ERI1: variants seen among roughly 807,000 people sequenced by gnomAD.
The protein encoded by ERI1 is 3'-5' exoribonuclease 1.
In ERI1, 39 loss-of-function variants were observed where a neutral mutation model predicts 39.7. The ratio of observed to expected loss-of-function variants is 0.98; its 90% CI spans 0.76 to 1.28. The LOEUF (loss-of-function observed/expected upper bound fraction) is 1.28. ERI1 is among the 50% of genes most tolerant of loss of function. The pLI, the probability that ERI1 is intolerant of heterozygous loss-of-function variation, is 0.00. For synonymous variants in ERI1, 204 were observed against 149.6 expected (o/e 1.36, Z -2.65); for missense variants, 581 against 416.9 (o/e 1.39, Z -3.43).
chr8:9,074,933 C>T (rs1352535062), intron 3 of ERI1, among the ~76,000 whole-genome samples: 1 of 152,124 alleles, frequency 6.6e-6, no homozygotes, highest in Admixed American at 6.6e-5. Context: ...AGCAAGCCTG[C>T]CCCCACCAGC....
At chr8:9,045,473 C>T (rs982646136) in intron 3 of ERI1, among the ~76,000 whole-genome samples, 5 of 151,686 alleles carry the variant, frequency 3.3e-5, no homozygotes, top group African/African-American at 1.2e-4. Context: ...TTCATGGATA[C>T]CAAAAACTGT....
chr8:9,071,814 C>G (rs537682302), intron 3 of ERI1, among the ~76,000 whole-genome samples: 1 of 152,286 alleles, frequency 6.6e-6, no homozygotes, highest in African/African-American at 2.4e-5. Context: ...GCCTGTAATC[C>G]CAGCATTTTG....
At chr8:9,066,902 A>G (rs1798897046) in intron 3 of ERI1, among the ~76,000 whole-genome samples, 1 of 152,022 alleles carries the variant, frequency 6.6e-6, no homozygotes, top group African/African-American at 2.4e-5. Context: ...CAGTGGAGTG[A>G]GGGGTGGAGG....
At chr8:9,067,398 G>C (rs1355935219) in intron 3 of ERI1, among the ~76,000 whole-genome samples, 2 of 149,054 alleles carry the variant, frequency 1.3e-5, no homozygotes, top group African/African-American at 5.1e-5. Context: ...GTGTGTGTGT[G>C]TGTGTGTGTG....
intron 3 of ERI1, among the ~76,000 whole-genome samples, chr8:9,038,807 A>G (rs1195544622): frequency 1.3e-5 from 2 of 152,210 alleles, no homozygotes; most frequent in Non-Finnish European, 2.9e-5. Flanking sequence ...AAATTTTTGG[A>G]AATACTTTAA....
At chr8:9,085,247 C>T in intron 3 of ERI1, among the ~76,000 whole-genome samples, 1 of 152,126 alleles carries the variant, frequency 6.6e-6, no homozygotes, top group East Asian at 1.9e-4. Context: ...CTTGCTCTGT[C>T]ACCCAGGCTG....
chr8:9,011,483 G>A (rs1816661370), intron 2 of ERI1, 59 bp from the exon 3 acceptor site: 6 of 1,205,526 alleles, frequency 5.0e-6, no homozygotes, highest in Non-Finnish European at 6.9e-6. Flanking sequence ...GCAGGTGAGA[G>A]TTTTGATTCT....
rs149964822 is a variant in ERI1, at chr8:9,044,354, C to T, written n.299+23890C>T. Among the ~76,000 whole-genome samples the T allele has an allele frequency of 6.7e-3, 1,024 of 152,116 alleles. 10 individuals are homozygous for T. The highest frequency in any genetic ancestry group is 0.022 in the African/African-American group (912 of 41,498). ...ATGGTGCTGAGATTGTTGAAAGAAG[C>T]GAGGTGACTTTGGTGTGGGAATCAG... On this transcript the variant is annotated intron_variant and non_coding_transcript_variant, in intron 3 of 3. Coordinates refer to the ERI1 transcript ENST00000518663.
chr8:9,028,945 C>G (rs545370573), intron 6 of ERI1, among the ~76,000 whole-genome samples: 1 of 148,826 alleles, frequency 6.7e-6, no homozygotes, highest in Non-Finnish European at 1.5e-5. Flanking sequence ...AAAGTGGAGG[C>G]ACATATTGGA....
intron 3 of ERI1, among the ~76,000 whole-genome samples, chr8:9,067,851 T>TC (rs11430383): frequency 6.6e-6 from 1 of 151,672 alleles, no homozygotes; most frequent in Non-Finnish European, 1.5e-5. Flanking sequence ...CAGGTTTTTT[T>TC]ACCTCCTTTT....
rs555283050 is a variant in ERI1, at chr8:9,060,484, A to T, written n.299+40020A>T. On this transcript the variant is annotated intron_variant and non_coding_transcript_variant, in intron 3 of 3. Coordinates refer to the ERI1 transcript ENST00000518663. ...AATCCCTGAGGGGCAGTAGAATAGC[A>T]GATGGAACACTGAGAAGTGATCTCC... Among the ~76,000 whole-genome samples the T allele has an allele frequency of 3.3e-5, 5 of 152,342 alleles. No homozygotes were observed. In the South Asian group the frequency reaches 1.0e-3, roughly 32 times the overall value.
In ERI1 at chr8:9,004,485, C is replaced by CTTTTTTTTTTTTTT. The variant is rs71201904; in HGVS notation, c.108+1327_108+1340dup. On this transcript the variant is annotated intron_variant, in intron 1 of 6. Transcript: ENST00000250263. Reference sequence around the variant, plus strand: ...CTGTTGCATGCTCTTTATAGTGATACTTTTTTTTTTTTTTTTTTTTTTTTT... The same window carrying CTTTTTTTTTTTTTT: ...CTGTTGCATGCTCTTTATAGTGATACTTTTTTTTTTTTTTTTTTTTTTTTTTTTTTTTTTTTTTT... Among the ~76,000 whole-genome samples the CTTTTTTTTTTTTTT allele has an allele frequency of 9.7e-4, 76 of 78,304 alleles. 2 individuals are homozygous for CTTTTTTTTTTTTTT. Among genetic ancestry groups the CTTTTTTTTTTTTTT allele is most frequent in the African/African-American group, 3.5e-3 (70 of 20,060 alleles). 51.4% of individuals were successfully genotyped at this position (78,304 alleles called of 152,430 possible).
intron 3 of ERI1, among the ~76,000 whole-genome samples, chr8:9,046,363 A>T (rs996723620): frequency 1.3e-5 from 2 of 152,230 alleles, no homozygotes; most frequent in Non-Finnish European, 2.9e-5. Context: ...CACATATGCG[A>T]GACTGCCTAG....
At chr8:9,046,657 C>G (rs1011948065) in intron 3 of ERI1, among the ~76,000 whole-genome samples, 2 of 152,230 alleles carry the variant, frequency 1.3e-5, no homozygotes, top group African/African-American at 2.4e-5. Context: ...TGGAAATGAG[C>G]TCTTGCTCAG....
downstream of ERI1, among the ~76,000 whole-genome samples, chr8:9,034,256 A>G (rs1363328379): frequency 1.3e-5 from 2 of 152,224 alleles, no homozygotes; most frequent in Admixed American, 6.5e-5. Flanking sequence ...ATTTCATTAG[A>G]TTTGTTTTAG....
chr8:9,037,265 C>T (rs1797882278), downstream of ERI1, among the ~76,000 whole-genome samples: 1 of 152,152 alleles, frequency 6.6e-6, no homozygotes, highest in African/African-American at 2.4e-5. Context: ...CTCCCCTCAC[C>T]ATCACACTCG....
chr8:9,085,454 T>A (rs973049005), intron 3 of ERI1, among the ~76,000 whole-genome samples: 2 of 152,030 alleles, frequency 1.3e-5, no homozygotes, highest in African/African-American at 4.8e-5. Flanking sequence ...AGTAATCACC[T>A]GCCTCAGCCT....
At position 9,062,906 on chromosome 8, in the gene ERI1, C is replaced by T. The variant is rs550522582; in HGVS notation, n.299+42442C>T. 8.5e-5 allele frequency: 13 copies of T among 152,158 alleles called. No individual in the cohort carries two copies. The South Asian group carries it at 2.1e-3, about 24-fold the overall frequency. The allele number at this position is 152,158 out of a possible 1,614,324, so 9.4% of individuals were successfully genotyped here. On this transcript the variant is annotated intron_variant and non_coding_transcript_variant, in intron 3 of 3. Coordinates refer to the ERI1 transcript ENST00000518663. ...AGATTTCTGGCACTTGTAGCAAGCT[C>T]CTGGGGGAGGAGGTTCTGGAGGAAC...
At chr8:9,010,553 A>G (rs1470244055) in intron 2 of ERI1, among the ~76,000 whole-genome samples, 2 of 152,346 alleles carry the variant, frequency 1.3e-5, no homozygotes, top group East Asian at 3.9e-4. Context: ...TAGAAAGGAA[A>G]ATAAAAGACT....
Sources: gnomAD v4.1 joint callset for allele counts (sites outside exome capture counted in the v4.1 genomes callset) on GRCh38, gnomAD v4.1.1 for gene constraint, MANE v1.5 for transcripts, NCBI Gene and HGNC (gene_info 2026-07-23, HGNC 2026-07-21) for gene names.